Variants in PDE10A observed in about 807,000 individuals in gnomAD.
PDE10A encodes cAMP and cAMP-inhibited cGMP 3',5'-cyclic phosphodiesterase 10A.
Under a neutral mutation model 97.7 loss-of-function variants are expected in PDE10A, and 39 were observed. The observed-to-expected ratio is 0.40, with a 90% confidence interval of 0.31 to 0.52. The LOEUF (loss-of-function observed/expected upper bound fraction) is 0.52, where lower values mean the gene tolerates loss of function less well. Ranked by LOEUF, PDE10A falls within the 20% of genes least tolerant of loss-of-function variation. The pLI is 0.56. For synonymous variants in PDE10A, 371 were observed against 376.8 expected, an observed-to-expected ratio of 0.98 and a Z score of 0.18; for missense variants, 731 against 1,047.8, an observed-to-expected ratio of 0.70 and a Z score of 4.17.
intron 1 of PDE10A, among the ~76,000 whole-genome samples, chr6:165,599,107 C>T (rs984412316): frequency 3.3e-5 from 5 of 152,190 alleles, no homozygotes; most frequent in African/African-American, 9.7e-5. Flanking sequence ...TGCCCTAAGA[C>T]GGTTGTGAAG....
chr6:165,838,168 T>A lies in PDE10A; in HGVS notation c.-615+149361A>T, dbSNP rs113371210. ...CGTTCCCTTCCCACAATTTATAACATCTCGTAAACCCTTTGGGGAAATAAC... is the reference window on the plus strand; with the variant it reads ...CGTTCCCTTCCCACAATTTATAACAACTCGTAAACCCTTTGGGGAAATAAC... On this transcript the variant is annotated intron_variant, in intron 1 of 19. Transcript: ENST00000366882. Among the ~76,000 whole-genome samples the A allele has an allele frequency of 7.2e-3, 1,097 of 152,256 alleles. 11 individuals are homozygous for A. Among genetic ancestry groups the A allele is most frequent in the African/African-American group, 0.025 (1,053 of 41,548 alleles).
intron 1 of PDE10A, among the ~76,000 whole-genome samples, chr6:165,678,489 A>G (rs1375627211): frequency 1.3e-5 from 2 of 152,068 alleles, no homozygotes; most frequent in Non-Finnish European, 2.9e-5. Context: ...TTAAATTTCA[A>G]ACTGGAAGTG....
intron 1 of PDE10A, among the ~76,000 whole-genome samples, chr6:165,622,589 C>T (rs1788197355): frequency 1.3e-5 from 2 of 152,126 alleles, no homozygotes; most frequent in Non-Finnish European, 1.5e-5. Context: ...TATGTGACCA[C>T]CATCATATAT....
chr6:165,886,120 G>A (rs1008104438), intron 1 of PDE10A, among the ~76,000 whole-genome samples: 9 of 152,182 alleles, frequency 5.9e-5, no homozygotes, highest in Non-Finnish European at 1.5e-5. Flanking sequence ...AAAAATGTTA[G>A]GTAAGTTTTT....
intron 1 of PDE10A, among the ~76,000 whole-genome samples, chr6:165,843,987 C>G (rs75431201): frequency 1.3e-5 from 2 of 152,142 alleles, no homozygotes; most frequent in Non-Finnish European, 2.9e-5. Context: ...GCCTCCAGAG[C>G]ACGGCACAGG....
chr6:165,462,756 G>A (rs1009228517), intron 3 of PDE10A, among the ~76,000 whole-genome samples: 3 of 152,216 alleles, frequency 2.0e-5, no homozygotes, highest in African/African-American at 7.2e-5. Context: ...TGGTAGCTAT[G>A]ATAGCAGTGA....
Position 165,416,298 on chromosome 6 carries a change from G to A in PDE10A, c.1797-17C>T. ...ATTGAAAATCTGCATATGTAAAAGA[G>A]AAGGACATGCTAATTAAAATATGGA... On this transcript the variant is annotated splice_polypyrimidine_tract_variant and intron_variant, in intron 11 of 21. Coordinates refer to ENST00000539869, the MANE Select transcript of PDE10A (RefSeq NM_001385079.1). The A allele has an allele frequency of 6.8e-7, 1 of 1,476,026 alleles. No homozygotes were observed. The highest frequency in any genetic ancestry group is 9.5e-7 in the Non-Finnish European group (1 of 1,053,882). The allele number at this position is 1,476,026 out of a possible 1,614,324, so 91.4% of individuals were successfully genotyped here.
intron 1 of PDE10A, among the ~76,000 whole-genome samples, chr6:165,577,909 C>T (rs938160092): frequency 3.9e-5 from 6 of 152,170 alleles, no homozygotes; most frequent in East Asian, 1.9e-4. Context: ...ATAGAAAATA[C>T]ACAAAACAAG....
chr6:165,508,569 C>T (rs1781333456), intron 2 of PDE10A, among the ~76,000 whole-genome samples: 2 of 151,958 alleles, frequency 1.3e-5, no homozygotes, highest in Admixed American at 6.6e-5. Context: ...GAATGGGGCT[C>T]ATATGCTCAG....
chr6:165,952,894 A>C (rs940961337), intron 1 of PDE10A, among the ~76,000 whole-genome samples: 7 of 152,012 alleles, frequency 4.6e-5, no homozygotes, highest in Non-Finnish European at 7.4e-5. Context: ...TCCTAACCAA[A>C]AGTAGTTGTG....
In PDE10A at chr6:165,410,725, G is replaced by A. The variant is rs2749679; in HGVS notation, c.2076+2776C>T. On this transcript the variant is annotated intron_variant, in intron 13 of 21. Transcript: ENST00000539869. ...AACAGGATGCACTGAGGACACATCCGCACGTGAACTCATTGTCACAAATAA... is the reference window on the plus strand; with the variant it reads ...AACAGGATGCACTGAGGACACATCCACACGTGAACTCATTGTCACAAATAA... Among the ~76,000 whole-genome samples the A allele has an allele frequency of 3.5e-3, 538 of 151,974 alleles. 3 individuals are homozygous for A. Among genetic ancestry groups the A allele is most frequent in the African/African-American group, 0.012 (516 of 41,434 alleles).
chr6:165,336,933 G>GC (rs1316772258), intron 20 of PDE10A, among the ~76,000 whole-genome samples: 2 of 151,936 alleles, frequency 1.3e-5, no homozygotes, highest in African/African-American at 2.4e-5. Flanking sequence ...CATACATATG[G>GC]CTCTTTCCGC....
chr6:165,679,941 T>G (rs1031618260), intron 1 of PDE10A, among the ~76,000 whole-genome samples: 1 of 151,938 alleles, frequency 6.6e-6, no homozygotes, highest in Admixed American at 6.6e-5. Context: ...ATGGTGGACA[T>G]TGTTGAGTAT....
At chr6:165,348,237 C>T (rs188444777) in intron 18 of PDE10A, among the ~76,000 whole-genome samples, 3 of 152,230 alleles carry the variant, frequency 2.0e-5, no homozygotes, top group African/African-American at 4.8e-5. Flanking sequence ...TTTGTGTTTA[C>T]GAAAGGCAGT....
Position 165,402,496 on chromosome 6 carries a change from T to C in PDE10A, c.2077-6037A>G, listed in dbSNP as rs117489217. Among the ~76,000 whole-genome samples the C allele has an allele frequency of 7.9e-3, 1,198 of 152,246 alleles. 7 individuals are homozygous for C. The highest frequency in any genetic ancestry group is 0.013 in the Non-Finnish European group (911 of 67,994). On this transcript the variant is annotated intron_variant, in intron 13 of 21. Transcript: ENST00000539869. The stretch of plus-strand genomic sequence containing the variant: ...TACTCATGCAAACTACTGATGAAGG[T>C]AGAAAACTATGTTGTCTTTTTAGGT...
In PDE10A at chr6:165,499,152, A is replaced by G. The variant is rs1780720052; in HGVS notation, c.995-16809T>C. On this transcript the variant is annotated intron_variant, in intron 2 of 21. Transcript: ENST00000539869. ...ACCATCTAACAAGGCAGGCAGAGGA[A>G]AAAAGCCAGGGGGAAGAGTCTGATC... 2.6e-5 allele frequency among the ~76,000 whole-genome samples: 4 copies of G among 152,194 alleles called. No individual in the cohort carries two copies. In the South Asian group the frequency reaches 8.3e-4, roughly 31 times the overall value.
chr6:165,651,986 C>G (rs1789709606), intron 1 of PDE10A, among the ~76,000 whole-genome samples: 1 of 152,118 alleles, frequency 6.6e-6, no homozygotes, highest in Non-Finnish European at 1.5e-5. Context: ...CTTTTCTGTT[C>G]TGTTGCATTA....
chr6:165,633,316 A>G (rs1788719232), intron 1 of PDE10A, among the ~76,000 whole-genome samples: 1 of 152,160 alleles, frequency 6.6e-6, no homozygotes, highest in East Asian at 1.9e-4. Flanking sequence ...AGGTTGGCAC[A>G]CCCATTCAGT....
rs1301884425 is a variant in PDE10A, at chr6:165,453,949, C to A, written c.1024-3587G>T. ...GTGAGAGCTGAAGTGTGGGCTGGCCCCAGCAAAAATCATAAGGGCAAGGAT... is the reference window on the plus strand; with the variant it reads ...GTGAGAGCTGAAGTGTGGGCTGGCCACAGCAAAAATCATAAGGGCAAGGAT... On this transcript the variant is annotated intron_variant, in intron 3 of 21. Coordinates refer to ENST00000539869, the MANE Select transcript of PDE10A (RefSeq NM_001385079.1). Among the ~76,000 whole-genome samples, 3 of 133,550 alleles carry A rather than the reference C, an allele frequency of 2.2e-5. No homozygotes were observed. The Admixed American group carries it at 2.3e-4, about 10-fold the overall frequency. The allele number at this position is 133,550 out of a possible 152,430, so 87.6% of individuals were successfully genotyped here. A position where few individuals can be genotyped will look rare whatever the true frequency, so the allele number is the denominator to read the frequency against.
Sources: allele counts gnomAD v4.1 joint callset (sites outside exome capture counted in the v4.1 genomes callset), GRCh38; gene constraint gnomAD v4.1.1; transcripts MANE v1.5; gene names NCBI Gene and HGNC (gene_info 2026-07-23, HGNC 2026-07-21).